Variants in GNG4 observed in about 807,000 individuals in gnomAD.
GNG4 encodes the protein guanine nucleotide-binding protein G(I)/G(S)/G(O) subunit gamma-4.
In GNG4, 4 loss-of-function variants were observed where a neutral mutation model predicts 5.8. The ratio of observed to expected loss-of-function variants is 0.69; its 90% CI spans 0.34 to 1.57. The LOEUF (loss-of-function observed/expected upper bound fraction) is 1.57. GNG4 is among the 40% of genes most tolerant of loss of function. The pLI, the probability that GNG4 is intolerant of heterozygous loss-of-function variation, is 0.06. For missense variants in GNG4, 96 were observed against 95.1 expected, an observed-to-expected ratio of 1.01 and a Z score of -0.04; for synonymous variants, 29 against 32.9, an observed-to-expected ratio of 0.88 and a Z score of 0.41.
chr1:235,593,944 G>A (rs761101986), intron 2 of GNG4, among the ~76,000 whole-genome samples: 3 of 152,248 alleles, frequency 2.0e-5, no homozygotes, highest in Non-Finnish European at 4.4e-5. Context: ...GATTACCCCA[G>A]CTGGCGCGGG....
At chr1:235,640,718 G>C (rs183042074) in intron 1 of GNG4, among the ~76,000 whole-genome samples, 28 of 152,378 alleles carry the variant, frequency 1.8e-4, no homozygotes, top group Non-Finnish European at 2.6e-4. Flanking sequence ...CTTCGGACCT[G>C]AGGGTCTCTG....
intron 1 of GNG4, chr1:235,615,914 GA>G: frequency 3.4e-6 from 1 of 290,352 alleles, no homozygotes; most frequent in Non-Finnish European, 6.7e-6. Context: ...TGCTGGAGCT[GA>G]AAGGTGTCCA....
chr1:235,568,268 G>A (rs952519875), intron 3 of GNG4, among the ~76,000 whole-genome samples: 1 of 152,064 alleles, frequency 6.6e-6, no homozygotes, highest in Non-Finnish European at 1.5e-5. Context: ...TGACTGAGCT[G>A]TTCCAAGTAC....
In GNG4 at chr1:235,592,976, C is replaced by T. The variant is rs780817630; in HGVS notation, c.-11+2424G>A. ...TTTTTTTTTTTTTTTGAGATGGAGTCTTGCTCTTTTACCCAGGCTTGGAGT... is the reference window on the plus strand; with the variant it reads ...TTTTTTTTTTTTTTTGAGATGGAGTTTTGCTCTTTTACCCAGGCTTGGAGT... On this transcript the variant is annotated intron_variant, in intron 2 of 3. Coordinates refer to ENST00000391854, the MANE Select transcript of GNG4 (RefSeq NM_001098722.2). 2.6e-3 allele frequency among the ~76,000 whole-genome samples: 366 copies of T among 142,132 alleles called. 1 individual carries two copies. The highest frequency in any genetic ancestry group is 4.2e-3 in the Non-Finnish European group (275 of 66,226). The allele number at this position is 142,132 out of a possible 152,430, so 93.2% of individuals were successfully genotyped here. A position where few individuals can be genotyped will look rare whatever the true frequency, so the allele number is the denominator to read the frequency against.
chr1:235,587,392 T>A (rs201064723), intron 2 of GNG4, among the ~76,000 whole-genome samples: 2 of 63,064 alleles, frequency 3.2e-5, no homozygotes, highest in African/African-American at 1.4e-4. Flanking sequence ...AGCACGTGTG[T>A]GAGCATGTAT....
At chr1:235,600,474 C>G (rs763636119) in intron 1 of GNG4, among the ~76,000 whole-genome samples, 6 of 151,410 alleles carry the variant, frequency 4.0e-5, no homozygotes, top group Non-Finnish European at 5.9e-5. Context: ...GGGTCTTGCT[C>G]TGTCACCCAG....
At chr1:235,601,175 C>T (rs1688249974) in intron 1 of GNG4, among the ~76,000 whole-genome samples, 1 of 152,234 alleles carries the variant, frequency 6.6e-6, no homozygotes, top group African/African-American at 2.4e-5. Flanking sequence ...GTGTCTAAAA[C>T]CCCTTGTTAG....
intron 3 of GNG4, among the ~76,000 whole-genome samples, chr1:235,565,267 G>A (rs1371734359): frequency 6.6e-6 from 1 of 152,018 alleles, no homozygotes; most frequent in African/African-American, 2.4e-5. Context: ...TTGGGAGGCC[G>A]AGGTGGGCGG....
chr1:235,646,176 G>T (rs1219086277), intron 1 of GNG4, among the ~76,000 whole-genome samples: 2 of 152,186 alleles, frequency 1.3e-5, no homozygotes, highest in African/African-American at 4.8e-5. Flanking sequence ...GCAACTCAGA[G>T]AGAAATGGTT....
At chr1:235,646,629 C>T (rs981538330) in intron 1 of GNG4, among the ~76,000 whole-genome samples, 7 of 152,214 alleles carry the variant, frequency 4.6e-5, no homozygotes, top group Admixed American at 3.9e-4. Flanking sequence ...GCTCCCTATA[C>T]TTCCTCACTC....
intron 1 of GNG4, among the ~76,000 whole-genome samples, chr1:235,643,616 G>A (rs1362690235): frequency 2.0e-5 from 3 of 152,138 alleles, no homozygotes; most frequent in Non-Finnish European, 2.9e-5. Context: ...TGCAGTCTTC[G>A]ATGAACACAT....
At position 235,642,168 on chromosome 1, in the gene GNG4, C is replaced by A. The variant is rs1283115630; in HGVS notation, c.-123+7494G>T. Among the ~76,000 whole-genome samples, 2 of 152,168 alleles carry A rather than the reference C, an allele frequency of 1.3e-5. No homozygotes were observed. The highest frequency in any genetic ancestry group is 4.8e-5 in the African/African-American group (2 of 41,426). ...CACAGCTAACCACAGCGGTCCGAGGCGAACGCAGGGTGGAAGAACCCGAGC... is the reference window on the plus strand; with the variant it reads ...CACAGCTAACCACAGCGGTCCGAGGAGAACGCAGGGTGGAAGAACCCGAGC... On this transcript the variant is annotated intron_variant, in intron 1 of 3. Transcript: ENST00000391854. This position sits in a 1 kb window ranked among gnomAD's most constrained non-coding sequence, Gnocchi z 4.3.
intron 1 of GNG4, among the ~76,000 whole-genome samples, chr1:235,608,274 C>T (rs1420239979): frequency 6.6e-6 from 1 of 152,104 alleles, no homozygotes; most frequent in African/African-American, 2.4e-5. Flanking sequence ...CAGCTGCTGC[C>T]AACTATGTTT....
Position 235,599,422 on chromosome 1 carries a change from G to T in GNG4, c.-122-3911C>A, listed in dbSNP as rs1688203447. ...ACCGCCGCCTCCCGGGTTCAAGCGA[G>T]TCTCCTGCCTCAGCCTCCCGAGTAG... On this transcript the variant is annotated intron_variant, in intron 1 of 3. Transcript: ENST00000391854. Among the ~76,000 whole-genome samples, 3 of 151,190 alleles carry T rather than the reference G, an allele frequency of 2.0e-5. No homozygotes were observed. The South Asian group carries it at 6.3e-4, about 32-fold the overall frequency.
chr1:235,589,832 G>T (rs1377663074), intron 2 of GNG4, among the ~76,000 whole-genome samples: 1 of 152,208 alleles, frequency 6.6e-6, no homozygotes, highest in African/African-American at 2.4e-5. Context: ...CTGGATCCTT[G>T]AGCTGGGTGG....
intron 2 of GNG4, among the ~76,000 whole-genome samples, chr1:235,586,309 G>C (rs1316717947): frequency 6.6e-6 from 1 of 151,168 alleles, no homozygotes; most frequent in Non-Finnish European, 1.5e-5. Context: ...GTGTGTCCTT[G>C]GGTGTGTCTG....
intron 1 of GNG4, among the ~76,000 whole-genome samples, chr1:235,645,324 C>T (rs77107112): frequency 0.029 from 4,491 of 152,260 alleles, 213 homozygotes; most frequent in African/African-American, 0.096. Context: ...CTTTTCTTCC[C>T]GCCATCTAAG....
At chr1:235,637,857 AC>A (rs1657173944) in intron 1 of GNG4, among the ~76,000 whole-genome samples, 1 of 152,156 alleles carries the variant, frequency 6.6e-6, no homozygotes, top group African/African-American at 2.4e-5. Context: ...CACACAGCTC[AC>A]TCTGTGGCTG....
intron 2 of GNG4, 117 bp from the exon 3 acceptor site, chr1:235,583,965 C>T (rs1189276453): frequency 1.8e-6 from 1 of 562,970 alleles, no homozygotes; most frequent in Non-Finnish European, 3.2e-6. Flanking sequence ...GGAGCATGGA[C>T]AGCATTTGGT....
Sources: gnomAD v4.1 joint callset for allele counts (sites outside exome capture counted in the v4.1 genomes callset) on GRCh38, gnomAD v4.1.1 for gene constraint, Gnocchi (gnomAD v3.1) non-coding constraint, MANE v1.5 for transcripts, NCBI Gene and HGNC (gene_info 2026-07-23, HGNC 2026-07-21) for gene names.